Variants in SMG6 observed in about 807,000 individuals in gnomAD.
SMG6 encodes the protein SMG6 nonsense mediated mRNA decay factor.
SMG6 carries 66 observed loss-of-function variants against 142.2 expected under a neutral mutation model. The observed-to-expected ratio is 0.46, with a 90% CI of 0.38 to 0.57. SMG6 has a LOEUF of 0.57. Ranked by LOEUF, SMG6 falls within the 20% of genes least tolerant of loss-of-function variation. The pLI is 0.00. For missense variants in SMG6, 1,793 were observed against 1,832.0 expected (o/e 0.98, Z 0.39); for synonymous variants, 779 against 702.4 (o/e 1.11, Z -1.72).
chr17:2,224,785 G>A (rs1373368564), intron 10 of SMG6, among the ~76,000 whole-genome samples: 2 of 152,062 alleles, frequency 1.3e-5, no homozygotes, highest in East Asian at 1.9e-4. Context: ...CAAATACTTC[G>A]CAGGAATAAT....
chr17:2,108,616 G>A (rs1447052263), intron 13 of SMG6, among the ~76,000 whole-genome samples: 2 of 152,040 alleles, frequency 1.3e-5, no homozygotes, highest in African/African-American at 4.8e-5. Flanking sequence ...GGGCCACAAA[G>A]CGAGACTCTG....
chr17:2,065,432 G>T, intron 17 of SMG6, 36 bp downstream of exon 17: 1 of 1,587,824 alleles, frequency 6.3e-7, no homozygotes, highest in South Asian at 1.1e-5. Flanking sequence ...TCTGGAAGCT[G>T]GCTGTGGGCT....
intron 8 of SMG6, among the ~76,000 whole-genome samples, chr17:2,270,149 G>A (rs2074514821): frequency 1.3e-5 from 2 of 152,072 alleles, no homozygotes; most frequent in South Asian, 4.1e-4. Context: ...AGGCTCTAGA[G>A]AGATACAATG....
intron 9 of SMG6, chr17:2,239,964 G>T (rs1177509557): frequency 1.3e-5 from 2 of 152,196 alleles, no homozygotes; most frequent in Non-Finnish European, 2.9e-5. Context: ...CATACTATTT[G>T]TCACAAATTC....
At chr17:2,140,253 G>C (rs1394827384) in intron 13 of SMG6, among the ~76,000 whole-genome samples, 1 of 151,536 alleles carries the variant, frequency 6.6e-6, no homozygotes, top group African/African-American at 2.4e-5. Flanking sequence ...AGTAGAGATG[G>C]GGTTTTGCCA....
At chr17:2,171,003 G>A (rs2071486009) in intron 13 of SMG6, among the ~76,000 whole-genome samples, 1 of 152,276 alleles carries the variant, frequency 6.6e-6, no homozygotes, top group African/African-American at 2.4e-5. Context: ...AGCTGGGCAT[G>A]TTAGCGCAGA....
intron 13 of SMG6, among the ~76,000 whole-genome samples, chr17:2,140,671 C>CAA (rs10635640): frequency 0.39 from 41,811 of 106,874 alleles, 6,794 homozygotes; most frequent in African/African-American, 0.49. Flanking sequence ...GATTCCATCT[C>CAA]AAAAAAAAAA....
intron 12 of SMG6, among the ~76,000 whole-genome samples, chr17:2,183,251 G>A (rs1184802212): frequency 6.6e-6 from 1 of 151,558 alleles, no homozygotes; most frequent in Non-Finnish European, 1.5e-5. Context: ...CAGGAAGGGA[G>A]GGAAGAAGGA....
chr17:2,186,538 A>G (rs2071991640), intron 12 of SMG6, 125 bp downstream of exon 12: 1 of 1,141,536 alleles, frequency 8.8e-7, no homozygotes, highest in Non-Finnish European at 1.2e-6. Context: ...AAGTTCAAAT[A>G]AAGAAGAAAT....
At chr17:2,249,104 A>C (rs766996107) in intron 8 of SMG6, among the ~76,000 whole-genome samples, 2 of 151,296 alleles carry the variant, frequency 1.3e-5, no homozygotes, top group Non-Finnish European at 2.9e-5. Flanking sequence ...CGTGTTAGCC[A>C]GGATGGTCTC....
intron 8 of SMG6, among the ~76,000 whole-genome samples, chr17:2,253,499 A>C (rs577678479): frequency 1.2e-4 from 19 of 152,094 alleles, no homozygotes; most frequent in Non-Finnish European, 2.5e-4. Flanking sequence ...GTCTCAAAAG[A>C]TGTTTCTTCC....
intron 13 of SMG6, among the ~76,000 whole-genome samples, chr17:2,118,304 G>A (rs886127496): frequency 5.9e-5 from 9 of 152,178 alleles, no homozygotes; most frequent in African/African-American, 1.9e-4. Flanking sequence ...TTGGGAGGCT[G>A]AGGCAGGCAG....
chr17:2,205,843 C>G (rs2072662053), intron 10 of SMG6, among the ~76,000 whole-genome samples: 1 of 152,060 alleles, frequency 6.6e-6, no homozygotes, highest in Admixed American at 6.6e-5. Flanking sequence ...GATGCTAGCT[C>G]TGTCACCCAG....
intron 13 of SMG6, among the ~76,000 whole-genome samples, chr17:2,144,757 T>C (rs927196585): frequency 2.6e-5 from 4 of 152,150 alleles, no homozygotes; most frequent in African/African-American, 9.7e-5. Context: ...ACATAGGTAG[T>C]ATGAATTCAG....
At chr17:2,274,033 G>A (rs377410031) in intron 8 of SMG6, among the ~76,000 whole-genome samples, 5 of 152,326 alleles carry the variant, frequency 3.3e-5, no homozygotes, top group African/African-American at 1.2e-4. Context: ...TGGAACAGAA[G>A]TTGGCAAACT....
chr17:2,259,375 T>C (rs1230912056), intron 8 of SMG6, among the ~76,000 whole-genome samples: 1 of 152,150 alleles, frequency 6.6e-6, no homozygotes, highest in Admixed American at 6.5e-5. Context: ...AGTTTATTCA[T>C]GGTGATAAAG....
At chr17:2,190,599 G>A (rs1354782776) in intron 10 of SMG6, among the ~76,000 whole-genome samples, 1 of 152,182 alleles carries the variant, frequency 6.6e-6, no homozygotes, top group East Asian at 1.9e-4. Flanking sequence ...TGGGATCTGC[G>A]GTCTTCGTGG....
At chr17:2,281,261 A>G (rs8077545) in intron 8 of SMG6, among the ~76,000 whole-genome samples, 64,833 of 151,816 alleles carry the variant, frequency 0.43, 15,115 homozygotes, top group African/African-American at 0.62. Context: ...GAGTAGCTAG[A>G]ACTAGAGGCC....
In SMG6 at chr17:2,069,002, A is replaced by T; in HGVS notation, c.3682-71T>A. The T allele has an allele frequency of 3.3e-6, 5 of 1,500,500 alleles. No homozygotes were observed. In the Admixed American group the frequency reaches 8.8e-5, roughly 26 times the overall value. 92.9% of individuals were successfully genotyped at this position (1,500,500 alleles called of 1,614,324 possible). ...CAGGTGGGTGAGCCAGGGCCCTGAC[A>T]CTACGGTGTGTCAGCATCCTGCCCC... On this transcript the variant is annotated intron_variant, in intron 15 of 18. Transcript: ENST00000263073.
Sources: gnomAD v4.1 joint callset for allele counts (sites outside exome capture counted in the v4.1 genomes callset) on GRCh38, gnomAD v4.1.1 for gene constraint, MANE v1.5 for transcripts, NCBI Gene and HGNC (gene_info 2026-07-23, HGNC 2026-07-21) for gene names.